PTPRD: variants seen among roughly 807,000 people sequenced by gnomAD.
PTPRD encodes protein tyrosine phosphatase receptor type D.
Under a neutral mutation model 214.5 loss-of-function variants are expected in PTPRD, and 34 were observed. The ratio of observed to expected loss-of-function variants is 0.16; its 90% CI spans 0.12 to 0.21. PTPRD has a LOEUF of 0.21. PTPRD is among the 10% of genes least tolerant of loss of function. The probability of loss-of-function intolerance (pLI) is 1.00; values close to 1 mark genes in which losing one functional copy is unlikely to be tolerated. For synonymous variants in PTPRD, 1,128 were observed against 845.7 expected (o/e 1.33, Z -5.79); for missense variants, 2,545 against 2,398.7 (o/e 1.06, Z -1.27).
At chr9:9,955,648 C>T (rs1195223143) in intron 4 of PTPRD, among the ~76,000 whole-genome samples, 2 of 151,960 alleles carry the variant, frequency 1.3e-5, no homozygotes, top group African/African-American at 2.4e-5. Flanking sequence ...CTCAGCCTCC[C>T]AAGTAGCTGG....
intron 12 of PTPRD, among the ~76,000 whole-genome samples, chr9:8,661,491 A>G (rs2097051901): frequency 6.6e-6 from 1 of 152,148 alleles, no homozygotes; most frequent in Admixed American, 6.6e-5. Flanking sequence ...TAGGAACAAT[A>G]AAAGTGTTAG....
At position 8,317,142 on chromosome 9, in the gene PTPRD, TGAG is replaced by T. The variant is rs1463975555; in HGVS notation, c.*729_*731del. The T allele has an allele frequency of 1.7e-5, 4 of 231,774 alleles. No individual in the cohort carries two copies. The highest frequency in any genetic ancestry group is 3.4e-5 in the Non-Finnish European group (4 of 116,950). 14.4% of individuals were successfully genotyped at this position (231,774 alleles called of 1,614,324 possible). A position where few individuals can be genotyped will look rare whatever the true frequency, so the allele number is the denominator to read the frequency against. On this transcript the variant is annotated 3_prime_UTR_variant, in exon 46 of 46. Transcript: ENST00000381196. ...ATCTGACGAGACTGATACTGTAGATTGAGTTTTGCACAAAAATGTGCAAATTTT... is the reference window on the plus strand; with the variant it reads ...ATCTGACGAGACTGATACTGTAGATTTTTTGCACAAAAATGTGCAAATTTT...
chr9:9,246,018 C>T (rs999480433), intron 9 of PTPRD, among the ~76,000 whole-genome samples: 1 of 152,060 alleles, frequency 6.6e-6, no homozygotes, highest in Non-Finnish European at 1.5e-5. Context: ...AGTTTTACTG[C>T]ACTTACATAA....
chr9:8,424,211 CT>C (rs1382504333), intron 35 of PTPRD, among the ~76,000 whole-genome samples: 1 of 152,116 alleles, frequency 6.6e-6, no homozygotes, highest in Non-Finnish European at 1.5e-5. Flanking sequence ...GGTCACCTGA[CT>C]ACTATGTGAT....
At chr9:8,422,702 C>G (rs1050980510) in intron 35 of PTPRD, among the ~76,000 whole-genome samples, 1 of 152,090 alleles carries the variant, frequency 6.6e-6, no homozygotes, top group African/African-American at 2.4e-5. Context: ...TGAGCTGTGA[C>G]AACAAGGATC....
chr9:8,544,249 T>C (rs1019525096), intron 14 of PTPRD, among the ~76,000 whole-genome samples: 2 of 144,718 alleles, frequency 1.4e-5, no homozygotes, highest in African/African-American at 5.2e-5. Flanking sequence ...TCACTGCAAC[T>C]TCCACCTCCC....
chr9:8,854,242 T>C (rs1211204264), intron 11 of PTPRD, among the ~76,000 whole-genome samples: 1 of 152,164 alleles, frequency 6.6e-6, no homozygotes. Flanking sequence ...GGATCACAAG[T>C]TAGAGCACAA....
intron 8 of PTPRD, among the ~76,000 whole-genome samples, chr9:9,467,592 A>AAAATAAT (rs1160408920): frequency 7.3e-6 from 1 of 136,358 alleles, no homozygotes; most frequent in African/African-American, 2.5e-5. Flanking sequence ...ATCTCCCAAA[A>AAAATAAT]AAAAAAAAAA....
intron 3 of PTPRD, among the ~76,000 whole-genome samples, chr9:10,265,711 G>A (rs1252213369): frequency 6.6e-6 from 1 of 152,074 alleles, no homozygotes; most frequent in Admixed American, 6.6e-5. Context: ...AATAAATAAG[G>A]AAACAAATAG....
intron 3 of PTPRD, among the ~76,000 whole-genome samples, chr9:10,278,441 C>T (rs1486448424): frequency 6.6e-6 from 1 of 152,116 alleles, no homozygotes; most frequent in Non-Finnish European, 1.5e-5. Flanking sequence ...CTCAGATTTG[C>T]TGCATTGCCT....
At chr9:9,249,718 T>C (rs1003396470) in intron 9 of PTPRD, among the ~76,000 whole-genome samples, 1 of 152,232 alleles carries the variant, frequency 6.6e-6, no homozygotes, top group African/African-American at 2.4e-5. Flanking sequence ...CGGTGGACTC[T>C]TGTCACTGTC....
chr9:9,715,572 T>G (rs1271321433), intron 7 of PTPRD, among the ~76,000 whole-genome samples: 1 of 152,142 alleles, frequency 6.6e-6, no homozygotes, highest in African/African-American at 2.4e-5. Flanking sequence ...CCAGTAAAAC[T>G]GAAAAGACAA....
chr9:8,600,747 AACCAGCAGT>A (rs1305992704), intron 14 of PTPRD, among the ~76,000 whole-genome samples: 1 of 151,952 alleles, frequency 6.6e-6, no homozygotes, highest in Non-Finnish European at 1.5e-5. Context: ...GTCCCTAAAG[AACCAGCAGT>A]AATACCCAGG....
chr9:8,729,725 A>G (rs962200711), intron 12 of PTPRD, among the ~76,000 whole-genome samples: 2 of 152,258 alleles, frequency 1.3e-5, no homozygotes, highest in African/African-American at 4.8e-5. Context: ...GGCTAAAAGC[A>G]TGATTTACCA....
At chr9:8,593,675 A>G (rs901466126) in intron 14 of PTPRD, among the ~76,000 whole-genome samples, 7 of 152,200 alleles carry the variant, frequency 4.6e-5, no homozygotes, top group African/African-American at 1.7e-4. Context: ...AAAGGTTTCG[A>G]GGCCATATCC....
At chr9:10,568,528 C>A (rs556092927) in intron 2 of PTPRD, among the ~76,000 whole-genome samples, 2 of 151,860 alleles carry the variant, frequency 1.3e-5, no homozygotes, top group South Asian at 4.2e-4. Context: ...TCTAGATCCC[C>A]GAGGAATCGC....
At chr9:9,297,708 G>A (rs1185892702) in intron 9 of PTPRD, among the ~76,000 whole-genome samples, 1 of 151,598 alleles carries the variant, frequency 6.6e-6, no homozygotes, top group Non-Finnish European at 1.5e-5. Context: ...GGTTGGTTAA[G>A]GAGATTAAGA....
rs372683916 is a variant in PTPRD at position 10,105,355 on chromosome 9, T to G, written c.-544-71565A>C. On this transcript the variant is annotated intron_variant, in intron 3 of 45. Transcript: ENST00000381196. Reference sequence around the variant, plus strand: ...CCTTTTATGGTACTGTTTTTATGATTGCTGCAACATAATTTTTAATAAGAA... The same window carrying G: ...CCTTTTATGGTACTGTTTTTATGATGGCTGCAACATAATTTTTAATAAGAA... 4.0e-5 allele frequency among the ~76,000 whole-genome samples: 6 copies of G among 151,884 alleles called. No homozygotes were observed. The East Asian group carries it at 7.7e-4, about 20-fold the overall frequency.
chr9:9,119,892 T>C (rs546050702), intron 10 of PTPRD, among the ~76,000 whole-genome samples: 1 of 152,108 alleles, frequency 6.6e-6, no homozygotes, highest in East Asian at 1.9e-4. Context: ...TGTATTGTAC[T>C]TGGGAGATGG....
Sources: gnomAD v4.1 joint callset for allele counts (sites outside exome capture counted in the v4.1 genomes callset) on GRCh38, gnomAD v4.1.1 for gene constraint, MANE v1.5 for transcripts, NCBI Gene and HGNC (gene_info 2026-07-23, HGNC 2026-07-21) for gene names.